The following AGO2 variants were observed in gnomAD, a reference collection of about 807,000 sequenced individuals.
AGO2 encodes protein argonaute-2.
AGO2 carries 5 observed loss-of-function variants against 102.3 expected under a neutral mutation model. That is an observed-to-expected ratio of 0.05 (90% CI 0.03 to 0.10). The LOEUF (loss-of-function observed/expected upper bound fraction) is 0.10, where lower values mean the gene tolerates loss of function less well. Ranked by LOEUF, AGO2 falls within the 10% of genes least tolerant of loss-of-function variation. The probability of loss-of-function intolerance (pLI) is 1.00; values close to 1 mark genes in which losing one functional copy is unlikely to be tolerated. For synonymous variants in AGO2, 449 were observed against 473.1 expected (o/e 0.95, Z 0.66); for missense variants, 541 against 1,183.7 (o/e 0.46, Z 7.97).
chr8:140,547,186 C>T (rs1341395197), intron 13 of AGO2, among the ~76,000 whole-genome samples: 1 of 152,210 alleles, frequency 6.6e-6, no homozygotes, highest in African/African-American at 2.4e-5. Flanking sequence ...CCTGGCCATC[C>T]AAGGCATGCC....
At chr8:140,552,221 T>G (rs962431684) in intron 10 of AGO2, among the ~76,000 whole-genome samples, 1 of 152,210 alleles carries the variant, frequency 6.6e-6, no homozygotes, top group African/African-American at 2.4e-5. Context: ...CTTTTTCCAC[T>G]CAGCATGCCA....
At chr8:140,624,046 G>C (rs1395853995) in intron 1 of AGO2, among the ~76,000 whole-genome samples, 1 of 152,188 alleles carries the variant, frequency 6.6e-6, no homozygotes, top group African/African-American at 2.4e-5. Flanking sequence ...TGCACGGGGA[G>C]CCAGGAAGGT....
chr8:140,588,315 C>T (rs902592697), intron 1 of AGO2, among the ~76,000 whole-genome samples: 4 of 152,292 alleles, frequency 2.6e-5, no homozygotes, highest in East Asian at 3.9e-4. Context: ...ACTGCAGGCT[C>T]GGTTCCAGAT....
chr8:140,587,606 C>T (rs187890435), intron 1 of AGO2, among the ~76,000 whole-genome samples: 9 of 152,306 alleles, frequency 5.9e-5, no homozygotes, highest in South Asian at 4.1e-4. Flanking sequence ...CCCCCATGCA[C>T]GAGGAAGATG....
chr8:140,571,161 G>GA (rs2073372101), intron 3 of AGO2, among the ~76,000 whole-genome samples: 1 of 152,172 alleles, frequency 6.6e-6, no homozygotes, highest in South Asian at 2.1e-4. Context: ...GGCTGGCAGT[G>GA]ACAACGCACA....
chr8:140,539,731 G>A lies in AGO2; in HGVS notation c.2035-277C>T, dbSNP rs1297812172. On this transcript the variant is annotated intron_variant, in intron 15 of 18. Coordinates refer to ENST00000220592, the MANE Select transcript of AGO2 (RefSeq NM_012154.5). This position sits in a 1 kb window ranked among gnomAD's most constrained non-coding sequence, Gnocchi z 4.7. ...TGTGCAAGGGGCGCAGCCAACGCCA[G>A]GGATGCAGGCTGGGCTCTGCGCTGA... 6.6e-6 allele frequency among the ~76,000 whole-genome samples: 1 copy of A among 152,256 alleles called. No individual in the cohort carries two copies. Among genetic ancestry groups the A allele is most frequent in the African/African-American group, 2.4e-5 (1 of 41,472 alleles).
rs2072469430 is a variant in AGO2 at position 140,524,631 on chromosome 8, A to T, written c.*7413T>A. On this transcript the variant is annotated 3_prime_UTR_variant, in exon 19 of 19. Coordinates refer to ENST00000220592, the MANE Select transcript of AGO2 (RefSeq NM_012154.5). ...TGAGGACCGGACTTTAAAGGCACAG[A>T]GTCTGAGACTGGGTCTTCCAGAACG... 1 of 152,332 alleles carries T rather than the reference A, an allele frequency of 6.6e-6. No homozygotes were observed. The highest frequency in any genetic ancestry group is 1.5e-5 in the Non-Finnish European group (1 of 68,126). 9.4% of individuals were successfully genotyped at this position (152,332 alleles called of 1,614,324 possible). A position where few individuals can be genotyped will look rare whatever the true frequency, so the allele number is the denominator to read the frequency against.
chr8:140,600,169 AG>A (rs1554709504), intron 1 of AGO2, among the ~76,000 whole-genome samples: 1 of 152,266 alleles, frequency 6.6e-6, no homozygotes, highest in Non-Finnish European at 1.5e-5. Context: ...CCTATGTGTG[AG>A]CAACGATTAG....
chr8:140,533,550 T>C (rs954662364), intron 17 of AGO2, among the ~76,000 whole-genome samples: 3 of 152,186 alleles, frequency 2.0e-5, no homozygotes, highest in Non-Finnish European at 4.4e-5. Context: ...ATCATGCCTG[T>C]AATCCCAGCA....
At chr8:140,624,871 C>T (rs1178092643) in intron 1 of AGO2, among the ~76,000 whole-genome samples, 1 of 152,222 alleles carries the variant, frequency 6.6e-6, no homozygotes, top group Non-Finnish European at 1.5e-5. Flanking sequence ...CAAAGAGAAG[C>T]AGCATCAACC....
At chr8:140,629,830 C>T (rs1205880304) in intron 1 of AGO2, among the ~76,000 whole-genome samples, 1 of 148,166 alleles carries the variant, frequency 6.7e-6, no homozygotes, top group African/African-American at 2.5e-5. Context: ...AGAGTGAGAC[C>T]CTGTCAAAAA....
intron 1 of AGO2, among the ~76,000 whole-genome samples, chr8:140,627,096 C>A (rs2074287942): frequency 6.6e-6 from 1 of 152,218 alleles, no homozygotes; most frequent in East Asian, 1.9e-4. Flanking sequence ...TAAAGAACTC[C>A]CCATTTATAT....
At chr8:140,610,376 C>T (rs2074060250) in intron 1 of AGO2, among the ~76,000 whole-genome samples, 1 of 152,094 alleles carries the variant, frequency 6.6e-6, no homozygotes. Flanking sequence ...CACCACCATG[C>T]CCAGCTAATT....
chr8:140,556,245 T>G lies in AGO2; in HGVS notation c.1068A>C (p.Leu356Phe). The G allele has an allele frequency of 6.2e-7, 1 of 1,614,238 alleles. No individual in the cohort carries two copies. The highest frequency in any genetic ancestry group is 8.5e-7 in the Non-Finnish European group (1 of 1,180,042). ...IVAGQRCIKK[L>F]TDNQTSTMIR... is the part of the protein sequence containing the mutation. ...TCATGGTTGAGGTCTGATTGTCCGT[T>G]AATTTTTTAATACATCTTTGTCCTG... is the stretch of plus-strand genomic sequence containing the variant. The change falls in exon 9 of 19, where the codon TTA (leucine) becomes TTC (phenylalanine). Residue 356 changes from leucine to phenylalanine, a missense_variant. By Grantham distance (22) the Leu-to-Phe change is conservative. Coordinates refer to ENST00000220592, the MANE Select transcript of AGO2 (RefSeq NM_012154.5).
chr8:140,598,530 CG>C (rs2073882166), intron 1 of AGO2, among the ~76,000 whole-genome samples: 1 of 152,192 alleles, frequency 6.6e-6, no homozygotes, highest in Non-Finnish European at 1.5e-5. Context: ...TACAAGCCCA[CG>C]GTGCCGTAGG....
In AGO2 at chr8:140,524,248, C is replaced by T. The variant is rs1042564523; in HGVS notation, c.*7796G>A. The T allele has an allele frequency of 1.3e-5, 2 of 152,202 alleles. No individual in the cohort carries two copies. Among genetic ancestry groups the T allele is most frequent in the African/African-American group, 4.8e-5 (2 of 41,448 alleles). 9.4% of individuals were successfully genotyped at this position (152,202 alleles called of 1,614,324 possible). On this transcript the variant is annotated 3_prime_UTR_variant, in exon 19 of 19. Coordinates refer to ENST00000220592, the MANE Select transcript of AGO2 (RefSeq NM_012154.5). ...GATTCCAATTCCTTTTTTAAAAAAT[C>T]TACTTCCATTACAATAAATATTCTT... is the stretch of plus-strand genomic sequence containing the variant.
At chr8:140,556,566 C>G (rs926016351) in intron 8 of AGO2, among the ~76,000 whole-genome samples, 10 of 152,054 alleles carry the variant, frequency 6.6e-5, no homozygotes, top group Non-Finnish European at 1.5e-4. Context: ...GTCCTGACAC[C>G]GGCACTTCTG....
chr8:140,565,652 A>AAAAG (rs796952107), intron 3 of AGO2, among the ~76,000 whole-genome samples: 2 of 150,320 alleles, frequency 1.3e-5, no homozygotes, highest in African/African-American at 4.9e-5. Flanking sequence ...AAAAAAAAAA[A>AAAAG]AAGAAGAAGA....
chr8:140,634,764 G>A (rs1029759464), intron 1 of AGO2, among the ~76,000 whole-genome samples: 1 of 152,220 alleles, frequency 6.6e-6, no homozygotes, highest in African/African-American at 2.4e-5. Flanking sequence ...GAATGAGAAC[G>A]AGCCGCGCAC....
Sources: allele counts gnomAD v4.1 joint callset (sites outside exome capture counted in the v4.1 genomes callset), GRCh38; gene constraint gnomAD v4.1.1; non-coding constraint Gnocchi (gnomAD v3.1); transcripts MANE v1.5; gene names NCBI Gene and HGNC (gene_info 2026-07-23, HGNC 2026-07-21).